TUSC3: variants seen among roughly 807,000 people sequenced by gnomAD.
TUSC3 encodes the protein dolichyl-diphosphooligosaccharide--protein glycosyltransferase subunit TUSC3.
TUSC3 carries 45 observed loss-of-function variants against 44.8 expected under a neutral mutation model. The ratio of observed to expected loss-of-function variants is 1.00; its 90% CI spans 0.79 to 1.29. The LOEUF (loss-of-function observed/expected upper bound fraction) is 1.29. Among genes scored for constraint, TUSC3 ranks in the 50% most tolerant of loss-of-function variants. The pLI is 0.00. For missense variants in TUSC3, 519 were observed against 437.9 expected (o/e 1.19, Z -1.65); for synonymous variants, 212 against 152.9 (o/e 1.39, Z -2.85).
Position 15,610,162 on chromosome 8 carries a change from A to G in TUSC3, c.139-12918A>G, listed in dbSNP as rs546451285. Among the ~76,000 whole-genome samples the G allele has an allele frequency of 3.9e-5, 6 of 152,222 alleles. No homozygotes were observed. In the South Asian group the frequency reaches 1.2e-3, roughly 32 times the overall value. On this transcript the variant is annotated intron_variant, in intron 1 of 10. Coordinates refer to ENST00000503731, the MANE Select transcript of TUSC3 (RefSeq NM_006765.4). Reference sequence around the variant, plus strand: ...TGTATTTTGTATCGTTGTTTTTATGAGGGGCTTTGCGTTTTAGGCACTGGA... The same window carrying G: ...TGTATTTTGTATCGTTGTTTTTATGGGGGGCTTTGCGTTTTAGGCACTGGA...
At chr8:15,691,873 G>A (rs2129190417) in intron 6 of TUSC3, among the ~76,000 whole-genome samples, 1 of 152,070 alleles carries the variant, frequency 6.6e-6, no homozygotes, top group Admixed American at 6.5e-5. Context: ...CTGCCTCTTG[G>A]GTTCAAACAA....
rs552048269 is a variant in TUSC3, at chr8:15,669,415, A to T, written c.709-4332A>T. Among the ~76,000 whole-genome samples the T allele has an allele frequency of 7.2e-5, 11 of 151,948 alleles. No individual in the cohort carries two copies. In the South Asian group the frequency reaches 2.3e-3, roughly 31 times the overall value. On this transcript the variant is annotated intron_variant, in intron 5 of 10. Coordinates refer to ENST00000503731, the MANE Select transcript of TUSC3 (RefSeq NM_006765.4). The stretch of plus-strand genomic sequence containing the variant: ...CTGAAGCAAGACTAACTTTGATTCT[A>T]AAATCTGACGGGGACATTTAAAAAT...
At chr8:15,566,601 A>ATT (rs201601387) in intron 1 of TUSC3, among the ~76,000 whole-genome samples, 1 of 142,310 alleles carries the variant, frequency 7.0e-6, no homozygotes, top group African/African-American at 2.5e-5. Context: ...CAGAAGACAC[A>ATT]TTTTTTTGTT....
intron 1 of TUSC3, among the ~76,000 whole-genome samples, chr8:15,555,654 A>G (rs1196946579): frequency 6.6e-6 from 1 of 151,490 alleles, no homozygotes; most frequent in Non-Finnish European, 1.5e-5. Flanking sequence ...AAGGTCTCAA[A>G]CCAATTTCCT....
Position 15,461,490 on chromosome 8 carries a change from T to C in TUSC3, n.92-21896T>C, listed in dbSNP as rs188806855. Among the ~76,000 whole-genome samples, 23 of 152,244 alleles carry C rather than the reference T, an allele frequency of 1.5e-4. 1 individual carries two copies. Among genetic ancestry groups the C allele is most frequent in the African/African-American group, 5.3e-4 (22 of 41,570 alleles). ...CATATCATCAGCAAACAGTGAGGGTTTGACTTCCTCTTAAACAATTTGGAT... is the reference window on the plus strand; with the variant it reads ...CATATCATCAGCAAACAGTGAGGGTCTGACTTCCTCTTAAACAATTTGGAT... On this transcript the variant is annotated intron_variant and non_coding_transcript_variant, in intron 1 of 5. Coordinates refer to the TUSC3 transcript ENST00000503191.
chr8:15,788,096 G>A, the TUSC3 span, among the ~76,000 whole-genome samples: 3 of 152,130 alleles, frequency 2.0e-5, no homozygotes, highest in African/African-American at 7.2e-5. Flanking sequence ...GATGATGAGG[G>A]CTTTAACAGA....
chr8:15,629,595 C>T (rs1299250295), intron 2 of TUSC3, among the ~76,000 whole-genome samples: 1 of 144,380 alleles, frequency 6.9e-6, no homozygotes, highest in Admixed American at 7.0e-5. Context: ...CTCCTGGGTC[C>T]TTCTGTGTCA....
the TUSC3 span, among the ~76,000 whole-genome samples, chr8:15,788,212 T>C: frequency 6.6e-6 from 1 of 152,188 alleles, no homozygotes; most frequent in Non-Finnish European, 1.5e-5. Context: ...AAATACTGGT[T>C]GTTTTACATT....
chr8:15,591,353 C>T (rs571535363), intron 1 of TUSC3, among the ~76,000 whole-genome samples: 2 of 150,510 alleles, frequency 1.3e-5, no homozygotes, highest in Non-Finnish European at 3.0e-5. Flanking sequence ...TAGGCTTTCT[C>T]CTATAAAACA....
chr8:15,702,126 A>G (rs984009679), intron 6 of TUSC3, among the ~76,000 whole-genome samples: 4 of 151,964 alleles, frequency 2.6e-5, no homozygotes. Flanking sequence ...AAGAGAGCCT[A>G]TTTTCTTGGC....
chr8:15,781,668 C>A, the TUSC3 span, among the ~76,000 whole-genome samples: 1 of 152,164 alleles, frequency 6.6e-6, no homozygotes, highest in African/African-American at 2.4e-5. Flanking sequence ...AGTCTTCCAT[C>A]ACAGAAAAGC....
rs140210712 is a variant in TUSC3 at position 15,469,033 on chromosome 8, G to C, written n.92-14353G>C. On this transcript the variant is annotated intron_variant and non_coding_transcript_variant, in intron 1 of 5. Transcript: ENST00000503191. ...CATGCCACACAAATTCTCTCAGAAC[G>C]CAGAGGGGAAAGTCAGAATAAAAAC... Among the ~76,000 whole-genome samples, 1,217 of 152,104 alleles carry C rather than the reference G, an allele frequency of 8.0e-3. 17 individuals carry two copies. Among genetic ancestry groups the C allele is most frequent in the African/African-American group, 0.028 (1,154 of 41,498 alleles).
At chr8:15,640,137 C>T (rs767567214) in intron 2 of TUSC3, among the ~76,000 whole-genome samples, 3 of 152,118 alleles carry the variant, frequency 2.0e-5, no homozygotes, top group Non-Finnish European at 4.4e-5. Flanking sequence ...ATGCTGAACA[C>T]CTGCTTTTTT....
intron 2 of TUSC3, among the ~76,000 whole-genome samples, chr8:15,646,490 A>G (rs138496789): frequency 1.5e-4 from 23 of 152,234 alleles, no homozygotes; most frequent in Non-Finnish European, 2.4e-4. Context: ...GTTTGAAGGC[A>G]AATTGAATTC....
chr8:15,675,269 G>C (rs1474896617), intron 6 of TUSC3, among the ~76,000 whole-genome samples: 1 of 150,628 alleles, frequency 6.6e-6, no homozygotes, highest in Non-Finnish European at 1.5e-5. Flanking sequence ...ATAAATTTTT[G>C]TTACTGCCTT....
intron 10 of TUSC3, chr8:15,758,083 C>A: frequency 3.1e-6 from 4 of 1,308,642 alleles, no homozygotes; most frequent in Non-Finnish European, 1.9e-6. Context: ...TGGAGTTAAT[C>A]ATTTGACAGA....
chr8:15,587,277 AT>A (rs951399080), intron 1 of TUSC3, among the ~76,000 whole-genome samples: 1 of 152,010 alleles, frequency 6.6e-6, no homozygotes, highest in African/African-American at 2.4e-5. Context: ...TCTTGAGTTT[AT>A]TTTTTTAAAA....
chr8:15,592,430 T>C (rs189754449), intron 1 of TUSC3, among the ~76,000 whole-genome samples: 219 of 152,258 alleles, frequency 1.4e-3, no homozygotes, highest in Admixed American at 5.6e-3. Context: ...GGTGTTTGGG[T>C]CATGGTGGTG....
At chr8:15,423,947 A>C (rs1414537905) in intron 1 of TUSC3, among the ~76,000 whole-genome samples, 2 of 124,448 alleles carry the variant, frequency 1.6e-5, no homozygotes, top group Non-Finnish European at 3.4e-5. Flanking sequence ...TTTCTCTTAC[A>C]GCATTCATAC....
Sources: allele counts gnomAD v4.1 joint callset (sites outside exome capture counted in the v4.1 genomes callset), GRCh38; gene constraint gnomAD v4.1.1; transcripts MANE v1.5; gene names NCBI Gene and HGNC (gene_info 2026-07-23, HGNC 2026-07-21).